SAMMSON: variants seen among roughly 807,000 people sequenced by gnomAD.
SAMMSON encodes the protein survival associated mitochondrial melanoma specific oncogenic non-coding RNA.
At chr3:70,216,421 G>T (rs768144852) in intron 4 of SAMMSON, among the ~76,000 whole-genome samples, 4 of 151,822 alleles carry the variant, frequency 2.6e-5, no homozygotes, top group African/African-American at 4.8e-5. Context: ...AACCCTATGT[G>T]GTAGGTACTG....
chr3:70,412,874 C>G (rs1406238022), intron 2 of SAMMSON, among the ~76,000 whole-genome samples: 1 of 152,106 alleles, frequency 6.6e-6, no homozygotes, highest in Non-Finnish European at 1.5e-5. Flanking sequence ...AATAATTATT[C>G]TAATTCTCAG....
intron 2 of SAMMSON, among the ~76,000 whole-genome samples, chr3:70,426,623 C>T (rs533847478): frequency 1.3e-5 from 2 of 152,284 alleles, no homozygotes; most frequent in East Asian, 3.9e-4. Flanking sequence ...AGCAAGGTAG[C>T]CTGAAAATTC....
At chr3:70,072,659 A>C (rs1381485372) in intron 4 of SAMMSON, 1 of 151,416 alleles carries the variant, frequency 6.6e-6, no homozygotes, top group Non-Finnish European at 1.5e-5. Flanking sequence ...AAAAAAAAAA[A>C]AAAAAAACAG....
At chr3:70,293,374 A>T (rs1294005192) in intron 7 of SAMMSON, among the ~76,000 whole-genome samples, 2 of 152,172 alleles carry the variant, frequency 1.3e-5, no homozygotes, top group African/African-American at 2.4e-5. Context: ...TTAGAAGTGG[A>T]ATAACTAATT....
intron 4 of SAMMSON, among the ~76,000 whole-genome samples, chr3:70,232,259 T>TA (rs1701566529): frequency 6.6e-6 from 1 of 152,336 alleles, no homozygotes; most frequent in East Asian, 1.9e-4. Flanking sequence ...ACCAAGTAGC[T>TA]ATTATTACTA....
intron 3 of SAMMSON, chr3:70,070,323 G>A (rs1466942878): frequency 6.6e-6 from 1 of 151,918 alleles, no homozygotes; most frequent in African/African-American, 2.4e-5. Flanking sequence ...GATTTCATTA[G>A]TTTTTAGATG....
At position 70,211,380 on chromosome 3, in the gene SAMMSON, TCCTTCCTTTCCCTTCCCTTCCTTTTG is replaced by T. The variant is rs1559535933; in HGVS notation, n.508-37724_508-37699del. On this transcript the variant is annotated intron_variant and non_coding_transcript_variant, in intron 4 of 9. Coordinates refer to ENST00000642114, the Ensembl canonical transcript of SAMMSON. ...CTTCCCTTTGCCCTTCCCTTCCCTT[TCCTTCCTTTCCCTTCCCTTCCTTTTG>T]CCCTTCCCTTCCCTTTGCCCTTCCC... is the stretch of plus-strand genomic sequence containing the variant. Among the ~76,000 whole-genome samples, 4 of 14,964 alleles carry T rather than the reference TCCTTCCTTTCCCTTCCCTTCCTTTTG, an allele frequency of 2.7e-4. 1 individual carries two copies. The highest frequency in any genetic ancestry group is 0.026 in the South Asian group (2 of 78). The allele number at this position is 14,964 out of a possible 152,430, so 9.8% of individuals were successfully genotyped here.
intron 4 of SAMMSON, among the ~76,000 whole-genome samples, chr3:70,160,811 TC>T (rs924254073): frequency 6.6e-6 from 1 of 152,094 alleles, no homozygotes; most frequent in Non-Finnish European, 1.5e-5. Context: ...TAATTCTGAC[TC>T]TTCCAATCCA....
chr3:70,416,478 A>G (rs1701265710), intron 2 of SAMMSON, among the ~76,000 whole-genome samples: 1 of 152,142 alleles, frequency 6.6e-6, no homozygotes, highest in Non-Finnish European at 1.5e-5. Flanking sequence ...TTAGCAGTGT[A>G]TTACTCACGG....
At chr3:70,301,265 T>C (rs1446292903) in intron 7 of SAMMSON, among the ~76,000 whole-genome samples, 1 of 152,120 alleles carries the variant, frequency 6.6e-6, no homozygotes, top group Non-Finnish European at 1.5e-5. Context: ...ACAAAAACAC[T>C]TTTTAAATTT....
At chr3:70,150,050 G>A (rs1227587982) in intron 4 of SAMMSON, among the ~76,000 whole-genome samples, 2 of 151,692 alleles carry the variant, frequency 1.3e-5, no homozygotes, top group East Asian at 3.9e-4. Context: ...GGTAGTTATT[G>A]TCTCGTGGTG....
chr3:70,271,479 A>C (rs1701975211), intron 6 of SAMMSON, among the ~76,000 whole-genome samples: 1 of 152,194 alleles, frequency 6.6e-6, no homozygotes. Context: ...TTGTATGACA[A>C]ATTTCTGAAT....
intron 3 of SAMMSON, among the ~76,000 whole-genome samples, chr3:70,037,437 C>A (rs2067090032): frequency 6.6e-6 from 1 of 152,074 alleles, no homozygotes; most frequent in South Asian, 2.1e-4. Flanking sequence ...CTCCTCCGCC[C>A]CGACTACTTT....
At chr3:70,372,832 C>G (rs1324659217) in intron 9 of SAMMSON, among the ~76,000 whole-genome samples, 1 of 152,174 alleles carries the variant, frequency 6.6e-6, no homozygotes, top group Admixed American at 6.6e-5. Context: ...AGCAGTTGCT[C>G]TAGCTGTGTA....
chr3:70,321,516 C>T (rs921936398), intron 7 of SAMMSON, among the ~76,000 whole-genome samples: 4 of 151,900 alleles, frequency 2.6e-5, no homozygotes, highest in African/African-American at 7.3e-5. Context: ...TTTCCAATTG[C>T]GACCATTACA....
Position 70,070,795 on chromosome 3 carries a change from C to T in SAMMSON, n.418-681C>T, listed in dbSNP as rs76976221. 5.0e-3 allele frequency among the ~76,000 whole-genome samples: 763 copies of T among 152,072 alleles called. 8 individuals carry two copies. The highest frequency in any genetic ancestry group is 0.017 in the African/African-American group (715 of 41,528). On this transcript the variant is annotated intron_variant and non_coding_transcript_variant, in intron 3 of 9. Coordinates refer to ENST00000642114, the Ensembl canonical transcript of SAMMSON. The stretch of plus-strand genomic sequence containing the variant: ...CTGTATTGAGGTGTATATTGAAAGA[C>T]ATCGTCTTATATTAACATGGGAAAC...
chr3:70,379,423 C>G (rs1363933812), intron 9 of SAMMSON, among the ~76,000 whole-genome samples: 1 of 152,082 alleles, frequency 6.6e-6, no homozygotes, highest in Non-Finnish European at 1.5e-5. Flanking sequence ...AAGCAGCGCT[C>G]CTGGGATCAA....
chr3:70,168,363 TA>T (rs1271160729), intron 4 of SAMMSON, among the ~76,000 whole-genome samples: 1 of 151,960 alleles, frequency 6.6e-6, no homozygotes, highest in East Asian at 1.9e-4. Context: ...TCATAACCTA[TA>T]GAGCACAGGT....
intron 3 of SAMMSON, among the ~76,000 whole-genome samples, chr3:70,037,123 T>C (rs889086929): frequency 6.6e-6 from 1 of 151,952 alleles, no homozygotes; most frequent in African/African-American, 2.4e-5. Context: ...TGGGAGTCTA[T>C]GATATTCATG....
Sources: allele counts gnomAD v4.1 joint callset (sites outside exome capture counted in the v4.1 genomes callset), GRCh38; gene constraint gnomAD v4.1.1; transcripts MANE v1.5; gene names NCBI Gene and HGNC (gene_info 2026-07-23, HGNC 2026-07-21).